SORCS2: variants seen among roughly 807,000 people sequenced by gnomAD.
SORCS2 encodes the protein sortilin related VPS10 domain containing receptor 2, also known as VPS10 domain-containing receptor SorCS2.
In SORCS2, 100 loss-of-function variants were observed where a neutral mutation model predicts 141.6. The ratio of observed to expected loss-of-function variants is 0.71; its 90% CI spans 0.60 to 0.83. The LOEUF is 0.83. Among genes scored for constraint, SORCS2 ranks in the 40% least tolerant of loss-of-function variants. The pLI is 0.00. For missense variants in SORCS2, 1,646 were observed against 1,560.2 expected (o/e 1.05, Z -0.93); for synonymous variants, 789 against 676.9 (o/e 1.17, Z -2.57).
intron 3 of SORCS2, among the ~76,000 whole-genome samples, chr4:7,544,063 T>TCCGTCCAG (rs1323752093): frequency 0.024 from 2,671 of 109,368 alleles, 138 homozygotes; most frequent in Non-Finnish European, 0.031. Flanking sequence ...CACCCACCCA[T>TCCGTCCAG]CCATCCACCC....
chr4:7,495,884 C>A (rs929019669), intron 2 of SORCS2, among the ~76,000 whole-genome samples: 2 of 152,174 alleles, frequency 1.3e-5, no homozygotes, highest in East Asian at 1.9e-4. Flanking sequence ...GCCCAGGGTG[C>A]CTGCATGCTT....
chr4:7,288,561 G>C (rs1716385376), intron 1 of SORCS2, among the ~76,000 whole-genome samples: 1 of 127,408 alleles, frequency 7.8e-6, no homozygotes, highest in East Asian at 2.9e-4. Context: ...GGGGGGCGGG[G>C]GGCGGGGGGA....
intron 1 of SORCS2, among the ~76,000 whole-genome samples, chr4:7,357,165 T>C (rs926178262): frequency 5.9e-5 from 9 of 152,020 alleles, no homozygotes; most frequent in African/African-American, 1.9e-4. Context: ...TGACCTTGAG[T>C]GTACAGCTGG....
chr4:7,698,521 G>C (rs1724850858), intron 12 of SORCS2, among the ~76,000 whole-genome samples: 1 of 152,240 alleles, frequency 6.6e-6, no homozygotes, highest in Admixed American at 6.5e-5. Flanking sequence ...GGTCACATCT[G>C]TCCATTTATT....
chr4:7,437,263 T>C (rs1426316928), intron 2 of SORCS2, among the ~76,000 whole-genome samples: 1 of 152,174 alleles, frequency 6.6e-6, no homozygotes, highest in Non-Finnish European at 1.5e-5. Context: ...GGGTGGCTCA[T>C]AGGACTCAGG....
At chr4:7,604,924 C>G (rs1286583260) in intron 3 of SORCS2, among the ~76,000 whole-genome samples, 3 of 152,198 alleles carry the variant, frequency 2.0e-5, no homozygotes, top group Admixed American at 6.5e-5. Context: ...CTCCTGACCC[C>G]TACACCCCAT....
chr4:7,630,208 T>C (rs959002680), intron 3 of SORCS2, among the ~76,000 whole-genome samples: 3 of 152,030 alleles, frequency 2.0e-5, no homozygotes, highest in African/African-American at 2.4e-5. Context: ...CTGCTTGAGC[T>C]CAGGATGCGT....
chr4:7,416,674 G>A (rs1269098455), intron 2 of SORCS2, among the ~76,000 whole-genome samples: 1 of 151,674 alleles, frequency 6.6e-6, no homozygotes, highest in Non-Finnish European at 1.5e-5. Flanking sequence ...ACACTTGTGT[G>A]CACACTCAGA....
chr4:7,583,603 A>C (rs1187948321), intron 3 of SORCS2, among the ~76,000 whole-genome samples: 1 of 152,196 alleles, frequency 6.6e-6, no homozygotes, highest in African/African-American at 2.4e-5. Flanking sequence ...GTAGTGAATA[A>C]GTCTCACAAG....
At chr4:7,260,069 G>A (rs1714213429) in intron 1 of SORCS2, among the ~76,000 whole-genome samples, 1 of 152,016 alleles carries the variant, frequency 6.6e-6, no homozygotes, top group Non-Finnish European at 1.5e-5. Context: ...CCCAGGCTTG[G>A]GTTGGAGAAA....
chr4:7,277,607 T>C (rs940031724), intron 1 of SORCS2, among the ~76,000 whole-genome samples: 12 of 151,974 alleles, frequency 7.9e-5, no homozygotes, highest in African/African-American at 2.9e-4. Context: ...GGAGAGATGA[T>C]TGGATTAGAC....
At chr4:7,401,339 GTGGATGGACTGA>G (rs1320709566) in intron 2 of SORCS2, among the ~76,000 whole-genome samples, 1 of 151,648 alleles carries the variant, frequency 6.6e-6, no homozygotes, top group Non-Finnish European at 1.5e-5. Context: ...AAATAGATGG[GTGGATGGACTGA>G]TGGATGGACA....
intron 2 of SORCS2, among the ~76,000 whole-genome samples, chr4:7,476,910 G>A (rs1273514539): frequency 6.6e-6 from 1 of 152,230 alleles, no homozygotes; most frequent in African/African-American, 2.4e-5. Flanking sequence ...CCAACTCAGT[G>A]CTATGTGGTC....
intron 1 of SORCS2, among the ~76,000 whole-genome samples, chr4:7,341,248 C>A (rs13127581): frequency 0.4 from 60,294 of 152,048 alleles, 12,147 homozygotes; most frequent in Middle Eastern, 0.46. Context: ...TCTGCTCACG[C>A]TGCTCTGTTC....
At chr4:7,324,750 G>A (rs948746641) in intron 1 of SORCS2, among the ~76,000 whole-genome samples, 2 of 152,224 alleles carry the variant, frequency 1.3e-5, no homozygotes, top group African/African-American at 2.4e-5. Flanking sequence ...AAAAGCAGAC[G>A]GAAAGTGTGG....
At chr4:7,387,464 TAC>T (rs1462929334) in intron 1 of SORCS2, among the ~76,000 whole-genome samples, 6 of 134,046 alleles carry the variant, frequency 4.5e-5, no homozygotes, top group African/African-American at 8.7e-5. Flanking sequence ...CACACACAGA[TAC>T]AGAGATACAC....
intron 15 of SORCS2, among the ~76,000 whole-genome samples, chr4:7,713,195 A>G (rs372555837): frequency 6.6e-6 from 1 of 152,070 alleles, no homozygotes; most frequent in African/African-American, 2.4e-5. Context: ...CATACATGAC[A>G]TTGGGGTCTG....
At chr4:7,680,668 G>A (rs1427442763) in intron 9 of SORCS2, among the ~76,000 whole-genome samples, 1 of 152,224 alleles carries the variant, frequency 6.6e-6, no homozygotes, top group African/African-American at 2.4e-5. Context: ...TTTGCCACAT[G>A]TATGGCGTTC....
intron 1 of SORCS2, among the ~76,000 whole-genome samples, chr4:7,256,722 C>T (rs1577327510): frequency 6.9e-6 from 1 of 144,750 alleles, no homozygotes; most frequent in Admixed American, 7.3e-5. Context: ...AAATCAGCTG[C>T]GTCTCGCATG....
Sources: gnomAD v4.1 joint callset for allele counts (sites outside exome capture counted in the v4.1 genomes callset) on GRCh38, gnomAD v4.1.1 for gene constraint, MANE v1.5 for transcripts, NCBI Gene and HGNC (gene_info 2026-07-23, HGNC 2026-07-21) for gene names.